TRAK2: variants seen among roughly 807,000 people sequenced by gnomAD.
TRAK2 encodes the protein trafficking kinesin-binding protein 2.
Under a neutral mutation model 104.6 loss-of-function variants are expected in TRAK2, and 81 were observed. That is an observed-to-expected ratio of 0.77 (90% CI 0.65 to 0.93). TRAK2 has a LOEUF of 0.93. TRAK2 is among the 40% of genes least tolerant of loss of function. TRAK2 has a pLI of 0.00. For missense variants in TRAK2, 1,002 were observed against 1,089.0 expected, an observed-to-expected ratio of 0.92 and a Z score of 1.12; for synonymous variants, 406 against 394.4, an observed-to-expected ratio of 1.03 and a Z score of -0.35.
At chr2:201,425,493 C>T (rs964170022) in intron 1 of TRAK2, among the ~76,000 whole-genome samples, 3 of 152,024 alleles carry the variant, frequency 2.0e-5, no homozygotes, top group Non-Finnish European at 4.4e-5. Flanking sequence ...CCTCTGCCCC[C>T]CAGGTTCAAG....
intron 3 of TRAK2, among the ~76,000 whole-genome samples, chr2:201,403,276 G>A (rs1951564875): frequency 6.6e-6 from 1 of 152,152 alleles, no homozygotes; most frequent in South Asian, 2.1e-4. Flanking sequence ...CTAGTTTAAT[G>A]ATCTCACTTT....
chr2:201,387,677 A>G, intron 13 of TRAK2, 26 bp downstream of exon 13: 2 of 1,540,472 alleles, frequency 1.3e-6, no homozygotes, highest in South Asian at 1.2e-5. Flanking sequence ...CACATGGCTT[A>G]GTAAGGGCCC....
At chr2:201,419,039 A>T (rs1368462539) in intron 2 of TRAK2, among the ~76,000 whole-genome samples, 1 of 152,196 alleles carries the variant, frequency 6.6e-6, no homozygotes, top group Non-Finnish European at 1.5e-5. Context: ...AGTAAGATAA[A>T]TTTTTAATGG....
In TRAK2 at chr2:201,379,092, C is replaced by G. The variant is rs1371190089; in HGVS notation, c.*1451G>C. ...ATAAACAAAATAATTAGTCCCCTCTCTCATCTTTTCTCTATCATGTCTTTT... is the reference window on the plus strand; with the variant it reads ...ATAAACAAAATAATTAGTCCCCTCTGTCATCTTTTCTCTATCATGTCTTTT... On this transcript the variant is annotated 3_prime_UTR_variant, in exon 16 of 16. Coordinates refer to ENST00000332624, the MANE Select transcript of TRAK2 (RefSeq NM_015049.3). The G allele has an allele frequency of 6.6e-6, 1 of 152,206 alleles. No individual in the cohort carries two copies. Among genetic ancestry groups the G allele is most frequent in the African/African-American group, 2.4e-5 (1 of 41,448 alleles). 9.4% of individuals were successfully genotyped at this position (152,206 alleles called of 1,614,324 possible). A position where few individuals can be genotyped will look rare whatever the true frequency, so the allele number is the denominator to read the frequency against.
intron 1 of TRAK2, among the ~76,000 whole-genome samples, chr2:201,427,187 CTTTTT>C (rs1178855071): frequency 3.3e-5 from 5 of 152,018 alleles, no homozygotes; most frequent in Non-Finnish European, 5.9e-5. Context: ...TCTAATATTT[CTTTTT>C]TATTAAGTTC....
chr2:201,381,081 C>T lies in TRAK2; in HGVS notation c.2207G>A (p.Ser736Asn), dbSNP rs1286478045. The change falls in exon 16 of 16, where the codon AGT becomes AAT. Residue 736 changes from serine (S) to asparagine (N), a missense_variant. By Grantham distance (46) the Ser-to-Asn change is conservative. Transcript: ENST00000332624. ...TNRRDSTTTF[S>N]STMSLAKLLQ... ...AAGTTTGGCCAAGCTCATGGTGCTA[C>T]TGAAGGTTGTAGTGGAATCTCGTCG... 4 of 1,613,946 alleles carry T rather than the reference C, an allele frequency of 2.5e-6. No individual in the cohort carries two copies. The highest frequency in any genetic ancestry group is 2.2e-5 in the East Asian group (1 of 44,894).
At chr2:201,382,641 T>C (rs1043254976) in intron 15 of TRAK2, among the ~76,000 whole-genome samples, 3 of 152,232 alleles carry the variant, frequency 2.0e-5, no homozygotes, top group Non-Finnish European at 4.4e-5. Flanking sequence ...ACTTGTTATC[T>C]TGATGACTAT....
rs1250671641 is a variant in TRAK2 at position 201,423,040 on chromosome 2, CACACACACACACA to C, written c.-199-2347_-199-2335del. Among the ~76,000 whole-genome samples the C allele has an allele frequency of 2.5e-4, 21 of 83,154 alleles. 1 individual carries two copies. The highest frequency in any genetic ancestry group is 1.1e-3 in the African/African-American group (20 of 18,786). The allele number at this position is 83,154 out of a possible 152,430, so 54.6% of individuals were successfully genotyped here. A position where few individuals can be genotyped will look rare whatever the true frequency, so the allele number is the denominator to read the frequency against. On this transcript the variant is annotated intron_variant, in intron 1 of 15. Transcript: ENST00000332624. Reference sequence around the variant, plus strand: ...AATAACAACAGCAACACCACCACCACACACACACACACACACACACACACACACACACACACAC... The same window carrying C: ...AATAACAACAGCAACACCACCACCACCACACACACACACACACACACACAC...
chr2:201,433,915 T>C (rs747005926), intron 1 of TRAK2, among the ~76,000 whole-genome samples: 1 of 152,136 alleles, frequency 6.6e-6, no homozygotes, highest in African/African-American at 2.4e-5. Flanking sequence ...GTCAGCTGCA[T>C]GGGTACATCT....
chr2:201,395,286 T>C, intron 8 of TRAK2, 28 bp downstream of exon 8: 1 of 1,581,316 alleles, frequency 6.3e-7, no homozygotes. Context: ...GCTTAACAAA[T>C]ATCTGTTGAA....
intron 1 of TRAK2, among the ~76,000 whole-genome samples, chr2:201,422,486 T>A (rs1165501720): frequency 6.6e-6 from 1 of 152,116 alleles, no homozygotes; most frequent in East Asian, 1.9e-4. Flanking sequence ...TTCACAGGCA[T>A]CATAAATATT....
At chr2:201,388,065 T>C in intron 12 of TRAK2, 64 bp from the exon 13 acceptor site, 1 of 1,496,470 alleles carries the variant, frequency 6.7e-7, no homozygotes, top group Non-Finnish European at 9.3e-7. Context: ...AGACCTCTCC[T>C]TTCTATAATG....
Position 201,386,381 on chromosome 2 carries a change from G to C in TRAK2, c.1800C>G (p.Pro600=). The C allele has an allele frequency of 1.2e-6, 2 of 1,614,132 alleles. No homozygotes were observed. Among genetic ancestry groups the C allele is most frequent in the Non-Finnish European group, 8.5e-7 (1 of 1,180,032 alleles). Residue 600 remains proline, a synonymous_variant, in exon 14 of 16, where the codon CCC becomes CCG. Transcript: ENST00000332624. ...CTGAGATGTGATAAATAGCATCCCC[G>C]GGCAACTGGGTAAAGCCTTTAGTAA... is the stretch of plus-strand genomic sequence containing the variant. The part of the protein sequence containing the change: ...GVITKGFTQL[P]GDAIYHISDL...
At chr2:201,393,849 G>A (rs546608121) in intron 9 of TRAK2, among the ~76,000 whole-genome samples, 5 of 152,294 alleles carry the variant, frequency 3.3e-5, no homozygotes, top group Non-Finnish European at 7.3e-5. Flanking sequence ...CTGGGCTTAA[G>A]TGATCCTTCT....
At chr2:201,408,524 A>G (rs1278546731) in intron 2 of TRAK2, among the ~76,000 whole-genome samples, 3 of 152,006 alleles carry the variant, frequency 2.0e-5, no homozygotes, top group Non-Finnish European at 2.9e-5. Flanking sequence ...TGTCTTTATA[A>G]CTATGCTTTT....
chr2:201,411,391 C>T (rs1951645879), intron 2 of TRAK2: 4 of 747,528 alleles, frequency 5.4e-6, no homozygotes, highest in African/African-American at 1.7e-5. Context: ...TGGCTAAAAA[C>T]CTTGTCAATT....
rs1469849601 is a variant in TRAK2 at position 201,408,629 on chromosome 2, T to C, written c.92-1032A>G. ...CTGTGTCTCTGAAGCAGCAGCAGCC[T>C]GCTGAATTTTTAAAAGTATTTTTAA... On this transcript the variant is annotated intron_variant, in intron 2 of 15. Coordinates refer to ENST00000332624, the MANE Select transcript of TRAK2 (RefSeq NM_015049.3). Among the ~76,000 whole-genome samples the C allele has an allele frequency of 2.0e-5, 3 of 152,350 alleles. No individual in the cohort carries two copies. The East Asian group carries it at 5.8e-4, about 29-fold the overall frequency.
intron 15 of TRAK2, 133 bp downstream of exon 15, chr2:201,383,978 T>TA: frequency 1.5e-6 from 1 of 653,454 alleles, no homozygotes; most frequent in South Asian, 2.0e-5. Flanking sequence ...AATGTGAAAA[T>TA]ATTCTAAAGA....
chr2:201,434,585 T>A (rs1298876481), intron 1 of TRAK2, among the ~76,000 whole-genome samples: 1 of 152,090 alleles, frequency 6.6e-6, no homozygotes, highest in Non-Finnish European at 1.5e-5. Flanking sequence ...TAAGACCATA[T>A]AAAGACTTTC....
Sources: gnomAD v4.1 joint callset for allele counts (sites outside exome capture counted in the v4.1 genomes callset) on GRCh38, gnomAD v4.1.1 for gene constraint, MANE v1.5 for transcripts, NCBI Gene and HGNC (gene_info 2026-07-23, HGNC 2026-07-21) for gene names.